MDM4: variants seen among roughly 807,000 people sequenced by gnomAD.
The protein encoded by MDM4 is protein Mdm4.
Under a neutral mutation model 60.2 loss-of-function variants are expected in MDM4, and 2 were observed. That is an observed-to-expected ratio of 0.03 (90% CI 0.01 to 0.10). The LOEUF is 0.10. MDM4 is among the 10% of genes least tolerant of loss of function. The pLI, the probability that MDM4 is intolerant of heterozygous loss-of-function variation, is 1.00. For synonymous variants in MDM4, 202 were observed against 198.1 expected, an observed-to-expected ratio of 1.02 and a Z score of -0.17; for missense variants, 447 against 577.5, an observed-to-expected ratio of 0.77 and a Z score of 2.32.
rs1191843575 is a variant in MDM4 at position 204,528,770 on chromosome 1, G to A, written c.154-1914G>A. The A allele has an allele frequency of 1.4e-5, 12 of 838,428 alleles. 1 individual carries two copies. The highest frequency in any genetic ancestry group is 5.2e-5 in the East Asian group (2 of 38,288). The allele number at this position is 838,428 out of a possible 1,614,324, so 51.9% of individuals were successfully genotyped here. On this transcript the variant is annotated intron_variant, in intron 3 of 10. Transcript: ENST00000367182. ...TAGAGGGACAGGAAAAGAAGAGAGA[G>A]GTCCACGTACTTCTGTCACTCTAGG...
chr1:204,532,090 G>T, intron 4 of MDM4, 101 bp from the exon 5 acceptor site: 1 of 705,200 alleles, frequency 1.4e-6, no homozygotes. Context: ...GAGAGACTTG[G>T]GAGATAACAT....
intron 3 of MDM4, chr1:204,528,981 T>C: frequency 6.5e-7 from 1 of 1,538,420 alleles, no homozygotes. Context: ...GCAATCAAGC[T>C]GTCTGGCAGG....
chr1:204,522,908 G>C (rs1558310060), intron 1 of MDM4, among the ~76,000 whole-genome samples: 1 of 148,990 alleles, frequency 6.7e-6, no homozygotes, highest in Non-Finnish European at 1.5e-5. Context: ...TGTAACCCAG[G>C]TTGGAGTGCA....
At chr1:204,534,706 G>A (rs1452555286) in intron 5 of MDM4, among the ~76,000 whole-genome samples, 2 of 152,048 alleles carry the variant, frequency 1.3e-5, no homozygotes, top group Non-Finnish European at 2.9e-5. Context: ...TGCTTAGGCT[G>A]GTCTTGAACT....
chr1:204,522,739 T>C (rs1480718923), intron 1 of MDM4, among the ~76,000 whole-genome samples: 1 of 152,160 alleles, frequency 6.6e-6, no homozygotes, highest in Non-Finnish European at 1.5e-5. Flanking sequence ...TGTTTCCTAT[T>C]TGACTTATTT....
intron 3 of MDM4, chr1:204,529,174 C>A: frequency 1.2e-6 from 1 of 845,398 alleles, no homozygotes; most frequent in East Asian, 2.5e-5. Context: ...GGCTGAGAAG[C>A]CGTAGACATT....
chr1:204,537,920 A>G (rs567170692), intron 6 of MDM4: 15 of 694,552 alleles, frequency 2.2e-5, no homozygotes, highest in Non-Finnish European at 4.1e-5. Flanking sequence ...AATTATGCCT[A>G]ATTTTGTAGT....
At chr1:204,543,060 A>G in intron 8 of MDM4, 116 bp downstream of exon 8, 1 of 911,342 alleles carries the variant, frequency 1.1e-6, no homozygotes, top group South Asian at 1.7e-5. Flanking sequence ...CTATGGCGTT[A>G]AATACCATCT....
chr1:204,553,561 A>G lies in MDM4; in HGVS notation c.*3879A>G, dbSNP rs1309221147. The G allele has an allele frequency of 1.3e-5, 3 of 228,128 alleles. No individual in the cohort carries two copies. The highest frequency in any genetic ancestry group is 3.6e-4 in the South Asian group (2 of 5,500). 14.1% of individuals were successfully genotyped at this position (228,128 alleles called of 1,614,324 possible). A position where few individuals can be genotyped will look rare whatever the true frequency, so the allele number is the denominator to read the frequency against. ...GTCATTGGAGCTTGTTTCTGCTGCAACGTGCTGTAGACTATGAATAATGAA... is the reference window on the plus strand; with the variant it reads ...GTCATTGGAGCTTGTTTCTGCTGCAGCGTGCTGTAGACTATGAATAATGAA... On this transcript the variant is annotated 3_prime_UTR_variant, in exon 11 of 11. Transcript: ENST00000367182.
In MDM4 at chr1:204,528,915, T is replaced by C; in HGVS notation, c.154-1769T>C. The C allele has an allele frequency of 1.9e-6, 3 of 1,593,840 alleles. No individual in the cohort carries two copies. In the Admixed American group the frequency reaches 5.0e-5, roughly 27 times the overall value. On this transcript the variant is annotated intron_variant, in intron 3 of 10. Coordinates refer to ENST00000367182, the MANE Select transcript of MDM4 (RefSeq NM_002393.5). ...CCGAATGTTGCCTTGTACAGCTGTGTCCTTCTCCCGGAAGGCCTCTGTCGG... is the reference window on the plus strand; with the variant it reads ...CCGAATGTTGCCTTGTACAGCTGTGCCCTTCTCCCGGAAGGCCTCTGTCGG...
chr1:204,549,357 C>T lies in MDM4; in HGVS notation c.1148C>T (p.Ser383Phe), dbSNP rs1662986574. 6.2e-7 allele frequency: 1 copy of T among 1,614,054 alleles called. No homozygotes were observed. The highest frequency in any genetic ancestry group is 1.1e-5 in the South Asian group (1 of 91,080). The change falls in exon 11 of 11, where the codon TCC becomes TTC. Residue 383 changes from serine (S) to phenylalanine (F), a missense_variant. Coordinates refer to ENST00000367182, the MANE Select transcript of MDM4 (RefSeq NM_002393.5). ...GATGCGTATATAAAGAAAGAAAACTCCAAACTTTTTGATCCCTGCAACTCA... is the reference window on the plus strand; with the variant it reads ...GATGCGTATATAAAGAAAGAAAACTTCAAACTTTTTGATCCCTGCAACTCA... ...PKDAYIKKEN[S>F]KLFDPCNSVE...
intron 2 of MDM4, among the ~76,000 whole-genome samples, chr1:204,525,981 G>A (rs1442602682): frequency 6.6e-6 from 1 of 151,964 alleles, no homozygotes; most frequent in African/African-American, 2.4e-5. Context: ...TGTGCTGGGC[G>A]AGGTGGGTCA....
chr1:204,532,698 A>G (rs1350438020), intron 5 of MDM4: 1 of 1,507,982 alleles, frequency 6.6e-7, no homozygotes, highest in African/African-American at 1.4e-5. Context: ...TTTGGTTGAT[A>G]TGTCTCATAA....
intron 7 of MDM4, among the ~76,000 whole-genome samples, chr1:204,540,115 ACTT>A (rs1661889072): frequency 6.6e-6 from 1 of 151,354 alleles, no homozygotes; most frequent in South Asian, 2.1e-4. Context: ...TCCTGTCTCT[ACTT>A]AAAAAAAATA....
chr1:204,556,245 G>C lies in MDM4; in HGVS notation c.*6563G>C, dbSNP rs944473567. The C allele has an allele frequency of 8.9e-6, 2 of 225,872 alleles. No homozygotes were observed. The highest frequency in any genetic ancestry group is 1.8e-5 in the Non-Finnish European group (2 of 113,504). The allele number at this position is 225,872 out of a possible 1,614,324, so 14.0% of individuals were successfully genotyped here. ...TCTTTAGATAAGATTCCTCTTTCCA[G>C]TCAGTCCTGGGAAATGTTTCTGTTG... On this transcript the variant is annotated 3_prime_UTR_variant, in exon 11 of 11. Transcript: ENST00000367182.
At chr1:204,517,235 C>G (rs1020088859) in intron 1 of MDM4, among the ~76,000 whole-genome samples, 3 of 150,294 alleles carry the variant, frequency 2.0e-5, no homozygotes, top group Admixed American at 6.6e-5. Context: ...GAGGGAGATT[C>G]CGTCTCAAAA....
In MDM4 at chr1:204,552,750, C is replaced by G. The variant is rs1663313408; in HGVS notation, c.*3068C>G. ...AGGCTGCTCAGCTTCACTCTTCCTG[C>G]TTGCCCACCGGGGTTTTTCACTGCT... On this transcript the variant is annotated 3_prime_UTR_variant, in exon 11 of 11. Transcript: ENST00000367182. 5.4e-6 allele frequency: 1 copy of G among 185,586 alleles called. No individual in the cohort carries two copies. Among genetic ancestry groups the G allele is most frequent in the Admixed American group, 6.2e-5 (1 of 16,082 alleles). The allele number at this position is 185,586 out of a possible 1,614,324, so 11.5% of individuals were successfully genotyped here.
chr1:204,530,944 A>G (rs1178296082), intron 4 of MDM4, 127 bp downstream of exon 4: 10 of 1,217,666 alleles, frequency 8.2e-6, no homozygotes, highest in East Asian at 2.4e-5. Context: ...TAGGTAGCCT[A>G]TGAGGCACTG....
rs1185905746 is a variant in MDM4, at chr1:204,557,844, G to A, written c.*8162G>A. On this transcript the variant is annotated 3_prime_UTR_variant, in exon 11 of 11. Transcript: ENST00000367182. The stretch of plus-strand genomic sequence containing the variant: ...GGTTTCATCAAGTGGGAAGAAAGCA[G>A]CAATTTAAAATAACTTTTTGGGAGA... 1 of 188,010 alleles carries A rather than the reference G, an allele frequency of 5.3e-6. No individual in the cohort carries two copies. The highest frequency in any genetic ancestry group is 1.1e-5 in the Non-Finnish European group (1 of 89,324). 11.6% of individuals were successfully genotyped at this position (188,010 alleles called of 1,614,324 possible).
Sources: gnomAD v4.1 joint callset for allele counts (sites outside exome capture counted in the v4.1 genomes callset) on GRCh38, gnomAD v4.1.1 for gene constraint, MANE v1.5 for transcripts, NCBI Gene and HGNC (gene_info 2026-07-23, HGNC 2026-07-21) for gene names.